Variants in CMC1 observed in about 807,000 individuals in gnomAD.
CMC1 encodes C-X9-C motif containing 1.
In CMC1, 14 loss-of-function variants were observed where a neutral mutation model predicts 14.1. The ratio of observed to expected loss-of-function variants is 0.99; its 90% CI spans 0.66 to 1.55. CMC1 has a LOEUF of 1.55. Among genes scored for constraint, CMC1 ranks in the 40% most tolerant of loss-of-function variants. The probability of loss-of-function intolerance (pLI) is 0.00; values close to 1 mark genes in which losing one functional copy is unlikely to be tolerated. For missense variants in CMC1, 127 were observed against 123.8 expected, an observed-to-expected ratio of 1.03 and a Z score of -0.12; for synonymous variants, 50 against 38.4, an observed-to-expected ratio of 1.30 and a Z score of -1.12.
chr3:28,245,863 A>T lies in CMC1; in HGVS notation c.19+4051A>T, dbSNP rs377627683. ...CCCTTACATTTACTAGAAAATTTTA[A>T]GTTAGACATGTAAACAAACTTGAAG... On this transcript the variant is annotated intron_variant, in intron 1 of 3. Coordinates refer to ENST00000466830, the MANE Select transcript of CMC1 (RefSeq NM_182523.2). Among the ~76,000 whole-genome samples the T allele has an allele frequency of 2.2e-4, 33 of 152,344 alleles. No homozygotes were observed. In the East Asian group the frequency reaches 4.4e-3, roughly 20 times the overall value.
At chr3:28,264,757 G>T (rs1559408864) in intron 2 of CMC1, among the ~76,000 whole-genome samples, 1 of 152,140 alleles carries the variant, frequency 6.6e-6, no homozygotes, top group East Asian at 1.9e-4. Context: ...TAATAAAGTT[G>T]TAGGGCTTTT....
In CMC1 at chr3:28,247,552, T is replaced by C. The variant is rs118131239; in HGVS notation, c.19+5740T>C. ...CAAGGAAAACAGCAAAGGGCTACCA[T>C]GGCCAGGGGCAGTCCTGAGAAGGTT... On this transcript the variant is annotated intron_variant, in intron 1 of 3. Transcript: ENST00000466830. 1.2e-4 allele frequency among the ~76,000 whole-genome samples: 18 copies of C among 152,320 alleles called. No homozygotes were observed. The East Asian group carries it at 3.5e-3, about 29-fold the overall frequency.
intron 2 of CMC1, among the ~76,000 whole-genome samples, chr3:28,306,507 G>T (rs1304612298): frequency 1.3e-5 from 2 of 151,972 alleles, no homozygotes; most frequent in African/African-American, 4.8e-5. Context: ...TAGAAATGAT[G>T]ATTTTTGCAT....
chr3:28,247,972 G>T (rs1312413087), intron 1 of CMC1, among the ~76,000 whole-genome samples: 2 of 151,880 alleles, frequency 1.3e-5, no homozygotes, highest in Admixed American at 6.6e-5. Flanking sequence ...TTTAAAATCA[G>T]TTTCTTAGGA....
chr3:28,243,727 G>A (rs576264749), intron 1 of CMC1, among the ~76,000 whole-genome samples: 4 of 152,310 alleles, frequency 2.6e-5, no homozygotes, highest in Non-Finnish European at 4.4e-5. Flanking sequence ...CTAGGGAACA[G>A]TAGTACATAG....
intron 2 of CMC1, among the ~76,000 whole-genome samples, chr3:28,284,038 T>A (rs1347483107): frequency 6.6e-6 from 1 of 152,218 alleles, no homozygotes; most frequent in Non-Finnish European, 1.5e-5. Context: ...TTTTGGAAAT[T>A]AGAATATCTG....
chr3:28,269,256 G>C (rs985228924), intron 2 of CMC1, among the ~76,000 whole-genome samples: 8 of 152,040 alleles, frequency 5.3e-5, no homozygotes, highest in African/African-American at 1.9e-4. Context: ...CTGATCCAGT[G>C]GTTCTCAATT....
chr3:28,297,291 G>A (rs1553619597), intron 2 of CMC1: 1 of 152,002 alleles, frequency 6.6e-6, no homozygotes, highest in Non-Finnish European at 1.5e-5. Context: ...AAGACAATCA[G>A]TGTGGGCTTA....
chr3:28,274,215 T>TTTTTTTTTG (rs1252205036), intron 2 of CMC1, among the ~76,000 whole-genome samples: 1 of 124,796 alleles, frequency 8.0e-6, no homozygotes, highest in African/African-American at 3.4e-5. Flanking sequence ...TGTTTTTGTT[T>TTTTTTTTTG]TTTTCTTTTT....
chr3:28,295,577 C>G (rs1701695691), intron 2 of CMC1, among the ~76,000 whole-genome samples: 2 of 152,114 alleles, frequency 1.3e-5, no homozygotes, highest in African/African-American at 4.8e-5. Context: ...TAACTTCTCT[C>G]TCTTTTTCTG....
chr3:28,294,689 G>C (rs1018270485), intron 2 of CMC1, among the ~76,000 whole-genome samples: 2 of 151,940 alleles, frequency 1.3e-5, no homozygotes, highest in Non-Finnish European at 2.9e-5. Flanking sequence ...TCATTTTTAT[G>C]AATTAAAAAA....
chr3:28,290,808 C>T (rs139748397), intron 2 of CMC1, among the ~76,000 whole-genome samples: 59 of 151,852 alleles, frequency 3.9e-4, no homozygotes, highest in African/African-American at 1.3e-3. Context: ...ACTAATTATT[C>T]CAAAATGTAG....
chr3:28,260,024 G>T (rs180965379), intron 1 of CMC1, among the ~76,000 whole-genome samples: 38 of 152,152 alleles, frequency 2.5e-4, no homozygotes. Flanking sequence ...TGTTTTTTAT[G>T]AATGCATGTA....
chr3:28,266,608 G>T (rs1268999948), intron 2 of CMC1, among the ~76,000 whole-genome samples: 1 of 151,806 alleles, frequency 6.6e-6, no homozygotes, highest in Non-Finnish European at 1.5e-5. Context: ...CTCCCAAAGT[G>T]CTGGGATTGC....
chr3:28,245,653 G>A (rs946189536), intron 1 of CMC1, among the ~76,000 whole-genome samples: 1 of 152,108 alleles, frequency 6.6e-6, no homozygotes, highest in Non-Finnish European at 1.5e-5. Context: ...CTTAGGGGGT[G>A]GAAAGTGGGT....
At chr3:28,301,410 G>A (rs987708077) in intron 2 of CMC1, among the ~76,000 whole-genome samples, 9 of 151,890 alleles carry the variant, frequency 5.9e-5, no homozygotes, top group African/African-American at 2.2e-4. Context: ...TTGTAGGGGC[G>A]GGGCCTCACT....
intron 1 of CMC1, among the ~76,000 whole-genome samples, chr3:28,244,950 C>G (rs970771643): frequency 7.1e-6 from 1 of 140,224 alleles, no homozygotes; most frequent in East Asian, 2.0e-4. Context: ...GTATGGAAGC[C>G]AGTTTTTTTT....
At chr3:28,253,041 C>G (rs1014006761) in intron 1 of CMC1, among the ~76,000 whole-genome samples, 1 of 152,120 alleles carries the variant, frequency 6.6e-6, no homozygotes, top group Non-Finnish European at 1.5e-5. Context: ...TAAGATGTCT[C>G]TTCGTCTACC....
chr3:28,301,628 G>GTT (rs1006947075), intron 2 of CMC1, among the ~76,000 whole-genome samples: 4 of 141,252 alleles, frequency 2.8e-5, no homozygotes, highest in African/African-American at 1.1e-4. Context: ...TATGGATGCT[G>GTT]TTTTTTTTTT....
Sources: gnomAD v4.1 joint callset for allele counts (sites outside exome capture counted in the v4.1 genomes callset) on GRCh38, gnomAD v4.1.1 for gene constraint, MANE v1.5 for transcripts, NCBI Gene and HGNC (gene_info 2026-07-23, HGNC 2026-07-21) for gene names.